HECW2: variants seen among roughly 807,000 people sequenced by gnomAD.
The protein encoded by HECW2 is HECT, C2 and WW domain containing E3 ubiquitin protein ligase 2, also known as E3 ubiquitin-protein ligase HECW2.
Under a neutral mutation model 175.2 loss-of-function variants are expected in HECW2, and 61 were observed. The observed-to-expected ratio is 0.35, with a 90% confidence interval of 0.28 to 0.43. The LOEUF (loss-of-function observed/expected upper bound fraction) is 0.43. Among genes scored for constraint, HECW2 ranks in the 20% least tolerant of loss-of-function variants. The pLI, the probability that HECW2 is intolerant of heterozygous loss-of-function variation, is 1.00. For missense variants in HECW2, 1,524 were observed against 2,000.5 expected, an observed-to-expected ratio of 0.76 and a Z score of 4.54; for synonymous variants, 671 against 731.0, an observed-to-expected ratio of 0.92 and a Z score of 1.32.
At chr2:196,228,364 T>C in intron 21 of HECW2, 110 bp from the exon 22 acceptor site, 1 of 980,660 alleles carries the variant, frequency 1.0e-6, no homozygotes, top group Non-Finnish European at 1.5e-6. Flanking sequence ...AATCTAATTG[T>C]CCACATGCCA....
At chr2:196,267,509 G>A (rs1263788247) in intron 17 of HECW2, among the ~76,000 whole-genome samples, 2 of 151,708 alleles carry the variant, frequency 1.3e-5, no homozygotes, top group African/African-American at 4.9e-5. Context: ...TTCTAACAGG[G>A]GAAATAAACA....
At chr2:196,515,828 TA>T (rs1249737542) in intron 1 of HECW2, among the ~76,000 whole-genome samples, 1 of 152,050 alleles carries the variant, frequency 6.6e-6, no homozygotes, top group Non-Finnish European at 1.5e-5. Context: ...TGAGTGTTAT[TA>T]AAACAAAACC....
intron 17 of HECW2, chr2:196,264,142 A>G (rs1283836099): frequency 6.6e-6 from 1 of 152,178 alleles, no homozygotes; most frequent in East Asian, 1.9e-4. Context: ...TAACTGGGCA[A>G]TTTATTTAAA....
intron 23 of HECW2, among the ~76,000 whole-genome samples, chr2:196,224,824 T>C (rs942509258): frequency 1.3e-5 from 2 of 152,032 alleles, no homozygotes; most frequent in African/African-American, 4.8e-5. Flanking sequence ...AATGGGAAGA[T>C]GCAAAGTGGG....
In HECW2 at chr2:196,195,451, T is replaced by A. The variant is rs1199160025; in HGVS notation, c.*5826A>T. ...CCCAGAAACCATACAACTAGGGCCA[T>A]CTTATTCTGCTGAGCTGTTCAATTA... On this transcript the variant is annotated 3_prime_UTR_variant, in exon 29 of 29. Coordinates refer to ENST00000644978, the MANE Select transcript of HECW2 (RefSeq NM_001348768.2). 3.3e-5 allele frequency: 5 copies of A among 152,214 alleles called. No homozygotes were observed. The highest frequency in any genetic ancestry group is 4.8e-5 in the African/African-American group (2 of 41,456). 9.4% of individuals were successfully genotyped at this position (152,214 alleles called of 1,614,324 possible). A position where few individuals can be genotyped will look rare whatever the true frequency, so the allele number is the denominator to read the frequency against.
intron 22 of HECW2, among the ~76,000 whole-genome samples, chr2:196,226,382 A>G (rs1480536172): frequency 6.6e-6 from 1 of 152,168 alleles, no homozygotes; most frequent in Non-Finnish European, 1.5e-5. Flanking sequence ...CTGCAGAATC[A>G]TGAGCCAATT....
At chr2:196,535,169 T>C (rs568831702) in intron 1 of HECW2, among the ~76,000 whole-genome samples, 21 of 151,938 alleles carry the variant, frequency 1.4e-4, no homozygotes, top group African/African-American at 4.8e-4. Flanking sequence ...GAGAGAAAAA[T>C]AGATTTCCCA....
At chr2:196,320,154 A>G (rs888050727) in intron 8 of HECW2, among the ~76,000 whole-genome samples, 185 bp downstream of exon 8, 1 of 152,182 alleles carries the variant, frequency 6.6e-6, no homozygotes, top group African/African-American at 2.4e-5. Context: ...AATCTAAGAG[A>G]CATTTTTGGG....
At chr2:196,277,472 G>A (rs10931736) in intron 15 of HECW2, among the ~76,000 whole-genome samples, 109,917 of 152,060 alleles carry the variant, frequency 0.72, 41,445 homozygotes, top group East Asian at 0.98. Flanking sequence ...AAAGTCAGGA[G>A]ACAATAGGTG....
rs540420651 is a variant in HECW2 at position 196,422,751 on chromosome 2, T to C, written c.292+10381A>G. 1.7e-4 allele frequency among the ~76,000 whole-genome samples: 26 copies of C among 152,270 alleles called. 1 individual carries two copies. In the South Asian group the frequency reaches 4.8e-3, roughly 28 times the overall value. The stretch of plus-strand genomic sequence containing the variant: ...CTTACTTTCTAAGAGCATTTTAAAA[T>C]TTTAAAAATATGACCTAAAACAACT... On this transcript the variant is annotated intron_variant, in intron 2 of 28. Coordinates refer to ENST00000644978, the MANE Select transcript of HECW2 (RefSeq NM_001348768.2).
chr2:196,539,638 A>G (rs1689143718), intron 1 of HECW2, among the ~76,000 whole-genome samples: 2 of 152,184 alleles, frequency 1.3e-5, no homozygotes, highest in South Asian at 4.2e-4. Context: ...CCTTCTCAAA[A>G]AGAAAAAGAA....
chr2:196,496,268 G>A (rs745313285), intron 1 of HECW2, among the ~76,000 whole-genome samples: 2 of 151,840 alleles, frequency 1.3e-5, no homozygotes, highest in Non-Finnish European at 2.9e-5. Context: ...GGGCCATGGC[G>A]GCCTCAGAGA....
intron 1 of HECW2, among the ~76,000 whole-genome samples, chr2:196,472,663 C>T (rs1697259086): frequency 6.6e-6 from 1 of 151,448 alleles, no homozygotes; most frequent in African/African-American, 2.4e-5. Context: ...CTCTGGTTGC[C>T]CAGGCTGGAG....
At chr2:196,270,700 C>T (rs1689696034) in intron 17 of HECW2, among the ~76,000 whole-genome samples, 5 of 102,312 alleles carry the variant, frequency 4.9e-5, no homozygotes. Flanking sequence ...ATTTTATTCA[C>T]CTTTATTTAT....
At chr2:196,292,536 C>A (rs773398465) in intron 14 of HECW2, 29 bp downstream of exon 14, 37 of 1,587,506 alleles carry the variant, frequency 2.3e-5, no homozygotes, top group Non-Finnish European at 3.2e-5. Context: ...AGGCATTTGG[C>A]ACTCCCTGAG....
chr2:196,416,158 T>C (rs1695251651), intron 2 of HECW2, among the ~76,000 whole-genome samples: 1 of 152,192 alleles, frequency 6.6e-6, no homozygotes, highest in African/African-American at 2.4e-5. Context: ...ATAAATTACA[T>C]CAGTTACAGT....
intron 1 of HECW2, among the ~76,000 whole-genome samples, chr2:196,503,050 G>C (rs1169507071): frequency 6.6e-6 from 1 of 152,104 alleles, no homozygotes; most frequent in Non-Finnish European, 1.5e-5. Flanking sequence ...TCCACCCCTA[G>C]CTCCATTCAG....
Position 196,319,665 on chromosome 2 carries a change from G to A in HECW2, c.1225C>T (p.Pro409Ser), listed in dbSNP as rs1431590533. 6.2e-7 allele frequency: 1 copy of A among 1,614,226 alleles called. No individual in the cohort carries two copies. Among genetic ancestry groups the A allele is most frequent in the Non-Finnish European group, 8.5e-7 (1 of 1,180,048 alleles). The change falls in exon 9 of 29, where the codon CCC becomes TCC. Residue 409 changes from proline (P) to serine (S), a missense_variant. Pro to Ser is a moderately conservative substitution (Grantham distance 74). Transcript: ENST00000644978. ...LTSTSSRTSP[P>S]RGRQDSLNDY... is the part of the protein sequence containing the mutation. ...TTGAGTGAATCCTGACGTCCTCTGG[G>A]AGGTGAGGTCCTTGAAGACGTAGAG...
chr2:196,357,669 C>T (rs765259173), intron 2 of HECW2, among the ~76,000 whole-genome samples: 2 of 152,132 alleles, frequency 1.3e-5, no homozygotes, highest in Non-Finnish European at 2.9e-5. Context: ...TTGTAATCCC[C>T]ACATGTCGAG....
Sources: allele counts gnomAD v4.1 joint callset (sites outside exome capture counted in the v4.1 genomes callset), GRCh38; gene constraint gnomAD v4.1.1; transcripts MANE v1.5; gene names NCBI Gene and HGNC (gene_info 2026-07-23, HGNC 2026-07-21).